Variants in FRS2 observed in about 807,000 individuals in gnomAD.
FRS2 encodes the protein fibroblast growth factor receptor substrate 2.
In FRS2, 8 loss-of-function variants were observed where a neutral mutation model predicts 43.9. The observed-to-expected ratio is 0.18, with a 90% CI of 0.11 to 0.33. The LOEUF (loss-of-function observed/expected upper bound fraction) is 0.33, where lower values mean the gene tolerates loss of function less well. Among genes scored for constraint, FRS2 ranks in the 10% least tolerant of loss-of-function variants. The pLI, the probability that FRS2 is intolerant of heterozygous loss-of-function variation, is 1.00. For missense variants in FRS2, 534 were observed against 627.6 expected (o/e 0.85, Z 1.59); for synonymous variants, 219 against 220.3 (o/e 0.99, Z 0.05).
chr12:69,486,719 A>T (rs1317355265), intron 1 of FRS2, among the ~76,000 whole-genome samples: 1 of 152,228 alleles, frequency 6.6e-6, no homozygotes, highest in Non-Finnish European at 1.5e-5. Context: ...ACTCCAGTGA[A>T]CATCCAGATG....
chr12:69,506,169 T>G (rs913529860), intron 1 of FRS2, among the ~76,000 whole-genome samples: 1 of 152,080 alleles, frequency 6.6e-6, no homozygotes, highest in African/African-American at 2.4e-5. Context: ...TGGGGAAGAG[T>G]CACTTTGAGC....
intron 3 of FRS2, among the ~76,000 whole-genome samples, chr12:69,552,760 C>G (rs981898225): frequency 1.3e-5 from 2 of 151,610 alleles, no homozygotes; most frequent in African/African-American, 4.8e-5. Context: ...GGCGTGGTGG[C>G]GCATGCCTGT....
chr12:69,519,638 T>TA (rs1246062064), intron 1 of FRS2, among the ~76,000 whole-genome samples: 1 of 152,210 alleles, frequency 6.6e-6, no homozygotes. Flanking sequence ...AGCTCTCACT[T>TA]ATAAGCGAGA....
chr12:69,499,971 A>C (rs1260896928), intron 1 of FRS2, among the ~76,000 whole-genome samples: 4 of 152,154 alleles, frequency 2.6e-5, no homozygotes, highest in African/African-American at 9.6e-5. Flanking sequence ...TGTTTCTGAC[A>C]CTTCAGTTTT....
intron 1 of FRS2, among the ~76,000 whole-genome samples, chr12:69,521,726 T>C (rs1875668091): frequency 6.6e-6 from 1 of 152,086 alleles, no homozygotes; most frequent in South Asian, 2.1e-4. Flanking sequence ...GCCATTCTCC[T>C]GCCTCAGCCT....
intron 6 of FRS2, 103 bp downstream of exon 6, chr12:69,570,620 C>T: frequency 1.5e-6 from 1 of 677,826 alleles, no homozygotes; most frequent in East Asian, 2.7e-5. Context: ...AAAAAAATCC[C>T]AAAATAAACA....
At chr12:69,516,055 C>G (rs898120885) in intron 1 of FRS2, among the ~76,000 whole-genome samples, 2 of 151,974 alleles carry the variant, frequency 1.3e-5, no homozygotes, top group Non-Finnish European at 2.9e-5. Flanking sequence ...TCGTAAACCA[C>G]CTCTCGTTAA....
chr12:69,516,215 A>ATTG (rs955897341), intron 1 of FRS2, among the ~76,000 whole-genome samples: 1 of 147,930 alleles, frequency 6.8e-6, no homozygotes, highest in Non-Finnish European at 1.5e-5. Flanking sequence ...TATTATTATT[A>ATTG]TTACTATTTT....
In FRS2 at chr12:69,485,331, C is replaced by T. The variant is rs1472798999; in HGVS notation, c.-261+14801C>T. Reference sequence around the variant, plus strand: ...CCAAGTAGCTGGGACTACAGGCGCCCGACACCACGCCTGGCTAATTTTTTG... The same window carrying T: ...CCAAGTAGCTGGGACTACAGGCGCCTGACACCACGCCTGGCTAATTTTTTG... On this transcript the variant is annotated intron_variant, in intron 1 of 8. Coordinates refer to ENST00000549921, the MANE Select transcript of FRS2 (RefSeq NM_001278356.2). Among the ~76,000 whole-genome samples the T allele has an allele frequency of 5.3e-5, 8 of 151,928 alleles. No homozygotes were observed. In the East Asian group the frequency reaches 5.8e-4, roughly 11 times the overall value.
intron 4 of FRS2, among the ~76,000 whole-genome samples, chr12:69,568,518 C>T (rs1403240998): frequency 6.6e-6 from 1 of 151,250 alleles, no homozygotes; most frequent in African/African-American, 2.4e-5. Context: ...TGTCTGCCTG[C>T]CTGCCTGCCT....
intron 1 of FRS2, among the ~76,000 whole-genome samples, chr12:69,492,436 A>T (rs1033252495): frequency 2.0e-4 from 31 of 152,230 alleles, no homozygotes; most frequent in African/African-American, 6.8e-4. Flanking sequence ...ATGGAGAGGG[A>T]TGAAAAGTGG....
chr12:69,570,725 T>TTAAG (rs1880684052), intron 6 of FRS2, among the ~76,000 whole-genome samples: 1 of 152,194 alleles, frequency 6.6e-6, no homozygotes, highest in South Asian at 2.1e-4. Flanking sequence ...CATGTCAACT[T>TTAAG]TAAGATTTTT....
chr12:69,522,027 A>G (rs1801884499), intron 1 of FRS2, among the ~76,000 whole-genome samples: 2 of 152,310 alleles, frequency 1.3e-5, no homozygotes, highest in South Asian at 4.1e-4. Context: ...GATGAATCAC[A>G]TTTATTAATT....
At chr12:69,511,019 T>C (rs1218643780) in intron 1 of FRS2, among the ~76,000 whole-genome samples, 1 of 152,206 alleles carries the variant, frequency 6.6e-6, no homozygotes, top group Non-Finnish European at 1.5e-5. Context: ...ACATACCTAC[T>C]AAAATACTGT....
At chr12:69,538,197 T>TTTTATATATATATATATATATATATA (rs869192774) in intron 3 of FRS2, among the ~76,000 whole-genome samples, 74 of 81,554 alleles carry the variant, frequency 9.1e-4, no homozygotes, top group Non-Finnish European at 1.5e-3. Flanking sequence ...AAAACAAATT[T>TTTTATATATATATATATATATATATA]TATATATATA....
At chr12:69,555,956 G>GTT (rs762222157) in intron 3 of FRS2, among the ~76,000 whole-genome samples, 2 of 141,244 alleles carry the variant, frequency 1.4e-5, no homozygotes, top group Non-Finnish European at 3.1e-5. Context: ...TGTTTTGGGG[G>GTT]TTATAGTTGC....
chr12:69,536,403 G>A (rs918376571), intron 3 of FRS2, among the ~76,000 whole-genome samples: 4 of 151,756 alleles, frequency 2.6e-5, no homozygotes, highest in South Asian at 2.1e-4. Context: ...GATTACAGGC[G>A]TGAGTCCCCG....
intron 3 of FRS2, among the ~76,000 whole-genome samples, chr12:69,553,726 G>A (rs1247030428): frequency 6.6e-6 from 1 of 152,210 alleles, no homozygotes; most frequent in Non-Finnish European, 1.5e-5. Flanking sequence ...CCATTTTTAG[G>A]CCTTAGGGCT....
chr12:69,475,607 C>T (rs1870690814), intron 1 of FRS2, among the ~76,000 whole-genome samples: 2 of 152,176 alleles, frequency 1.3e-5, no homozygotes, highest in Admixed American at 1.3e-4. Context: ...TGGCTGGGAC[C>T]TCTGACTCTA....
Sources: allele counts gnomAD v4.1 joint callset (sites outside exome capture counted in the v4.1 genomes callset), GRCh38; gene constraint gnomAD v4.1.1; transcripts MANE v1.5; gene names NCBI Gene and HGNC (gene_info 2026-07-23, HGNC 2026-07-21).